Variants in RBFOX1 observed in about 807,000 individuals in gnomAD.
The protein encoded by RBFOX1 is RNA binding fox-1 homolog 1, also known as RNA binding protein fox-1 homolog 1.
A neutral mutation model predicts 57.7 loss-of-function variants in RBFOX1; 8 were observed. The ratio of observed to expected loss-of-function variants is 0.14; its 90% CI spans 0.08 to 0.25. The LOEUF is 0.25. RBFOX1 is among the 10% of genes least tolerant of loss of function. The pLI is 1.00. For synonymous variants in RBFOX1, 326 were observed against 222.4 expected, an observed-to-expected ratio of 1.47 and a Z score of -4.15; for missense variants, 611 against 548.5, an observed-to-expected ratio of 1.11 and a Z score of -1.14.
intron 3 of RBFOX1, among the ~76,000 whole-genome samples, chr16:7,006,575 G>C (rs1012871104): frequency 1.9e-4 from 29 of 152,000 alleles, no homozygotes; most frequent in African/African-American, 6.8e-4. Flanking sequence ...TCACCTTCCT[G>C]AGTAGGTAGG....
intron 3 of RBFOX1, among the ~76,000 whole-genome samples, chr16:6,780,557 CATATTTATATATATTTATATAT>C (rs2080826052): frequency 8.4e-6 from 1 of 119,486 alleles, no homozygotes; most frequent in Non-Finnish European, 1.6e-5. Context: ...TATATATTTA[CATATTTATATATATTTATATAT>C]ATATTTATAT....
chr16:5,353,044 A>C (rs1287659502), intron 1 of RBFOX1, among the ~76,000 whole-genome samples: 1 of 152,182 alleles, frequency 6.6e-6, no homozygotes, highest in Non-Finnish European at 1.5e-5. Flanking sequence ...GTGTTGAGAG[A>C]TGAAACGTTG....
intron 4 of RBFOX1, among the ~76,000 whole-genome samples, chr16:5,989,880 A>ACACACACACACACACCCC (rs33912010): frequency 6.3e-5 from 8 of 127,288 alleles, no homozygotes; most frequent in Admixed American, 3.2e-4. Context: ...ACACACACAC[A>ACACACACACACACACCCC]CCACCCCTGT....
At chr16:7,674,937 C>G (rs1412054906) in intron 13 of RBFOX1, among the ~76,000 whole-genome samples, 1 of 152,190 alleles carries the variant, frequency 6.6e-6, no homozygotes, top group Non-Finnish European at 1.5e-5. Flanking sequence ...TTGGTGGGAC[C>G]AAATTCAGTC....
intron 3 of RBFOX1, among the ~76,000 whole-genome samples, chr16:5,612,816 A>C (rs1184366899): frequency 6.6e-6 from 1 of 152,222 alleles, no homozygotes; most frequent in Non-Finnish European, 1.5e-5. Context: ...TAAGCATTGA[A>C]GACCTCAGTG....
intron 3 of RBFOX1, among the ~76,000 whole-genome samples, chr16:6,985,968 C>A (rs935871466): frequency 1.3e-5 from 2 of 150,702 alleles, no homozygotes; most frequent in African/African-American, 2.4e-5. Context: ...AAGGCACTTT[C>A]CAAACTTACC....
intron 3 of RBFOX1, among the ~76,000 whole-genome samples, chr16:6,888,274 G>C (rs1254196404): frequency 2.0e-5 from 3 of 152,156 alleles, no homozygotes; most frequent in East Asian, 1.9e-4. Context: ...TTATGGGTTT[G>C]TGTTTCTGAC....
chr16:6,564,174 T>C (rs922111545), intron 2 of RBFOX1, among the ~76,000 whole-genome samples: 9 of 152,108 alleles, frequency 5.9e-5, no homozygotes, highest in African/African-American at 2.2e-4. Flanking sequence ...TTGATGAGGA[T>C]AAAAGCCATG....
chr16:7,486,875 T>C (rs1330973455), intron 4 of RBFOX1, among the ~76,000 whole-genome samples: 1 of 152,140 alleles, frequency 6.6e-6, no homozygotes, highest in Non-Finnish European at 1.5e-5. Context: ...TGCAGTTAGT[T>C]CAAACACAAT....
chr16:7,605,636 ATTC>A (rs1481065346), intron 9 of RBFOX1, among the ~76,000 whole-genome samples: 10 of 152,296 alleles, frequency 6.6e-5, no homozygotes, highest in Admixed American at 5.9e-4. Context: ...CCTCTGGGCT[ATTC>A]TTAGTTCGGG....
intron 3 of RBFOX1, among the ~76,000 whole-genome samples, chr16:6,681,164 T>A (rs973320824): frequency 2.0e-5 from 3 of 151,894 alleles, no homozygotes; most frequent in Non-Finnish European, 4.4e-5. Flanking sequence ...ATACAAAAAT[T>A]AGCCAGGCAT....
At chr16:5,244,658 T>C (rs1008969204) in intron 1 of RBFOX1, among the ~76,000 whole-genome samples, 2 of 152,242 alleles carry the variant, frequency 1.3e-5, no homozygotes, top group African/African-American at 4.8e-5. Flanking sequence ...GAACGCGGTG[T>C]GTCTGCTGTG....
chr16:7,100,525 T>A (rs2062497151), intron 4 of RBFOX1, among the ~76,000 whole-genome samples: 1 of 151,880 alleles, frequency 6.6e-6, no homozygotes, highest in East Asian at 1.9e-4. Context: ...CATTTTCTAG[T>A]GTTACTGATG....
intron 3 of RBFOX1, among the ~76,000 whole-genome samples, chr16:6,850,508 T>A (rs2094004339): frequency 6.6e-6 from 1 of 151,862 alleles, no homozygotes; most frequent in South Asian, 2.1e-4. Flanking sequence ...AGAGAAGAGA[T>A]GGGAGAGGAA....
intron 2 of RBFOX1, among the ~76,000 whole-genome samples, chr16:6,460,139 A>G (rs1402428839): frequency 6.6e-6 from 1 of 151,070 alleles, no homozygotes. Context: ...TAAGTAACAG[A>G]AGTTTATTTT....
At chr16:5,963,758 C>G (rs1402788844) in intron 4 of RBFOX1, among the ~76,000 whole-genome samples, 1 of 152,098 alleles carries the variant, frequency 6.6e-6, no homozygotes, top group Non-Finnish European at 1.5e-5. Context: ...AAAATCAAGT[C>G]AAAATGGATT....
rs79879196 is a variant in RBFOX1 at position 5,571,930 on chromosome 16, C to T, written c.259-26972C>T. Among the ~76,000 whole-genome samples, 1,365 of 152,292 alleles carry T rather than the reference C, an allele frequency of 9.0e-3. 19 individuals carry two copies. Among genetic ancestry groups the T allele is most frequent in the African/African-American group, 0.03 (1,245 of 41,544 alleles). On this transcript the variant is annotated intron_variant, in intron 2 of 2. Transcript: ENST00000585867. ...GGTTAGAGGCGTGAGCCACTGTGCCCGGCCCATCTTTGTCTTTCATAATTA... is the reference window on the plus strand; with the variant it reads ...GGTTAGAGGCGTGAGCCACTGTGCCTGGCCCATCTTTGTCTTTCATAATTA...
intron 1 of RBFOX1, among the ~76,000 whole-genome samples, chr16:5,362,490 G>A (rs1410852398): frequency 2.0e-5 from 3 of 152,204 alleles, no homozygotes; most frequent in African/African-American, 7.2e-5. Flanking sequence ...AGTCTCCCGA[G>A]TAGCTGGGAT....
intron 1 of RBFOX1, among the ~76,000 whole-genome samples, chr16:6,028,916 G>C (rs2095246392): frequency 6.6e-6 from 1 of 152,158 alleles, no homozygotes; most frequent in Non-Finnish European, 1.5e-5. Flanking sequence ...CTTAACTTGT[G>C]GATCCAGATT....
Sources: gnomAD v4.1 joint callset for allele counts (sites outside exome capture counted in the v4.1 genomes callset) on GRCh38, gnomAD v4.1.1 for gene constraint, MANE v1.5 for transcripts, NCBI Gene and HGNC (gene_info 2026-07-23, HGNC 2026-07-21) for gene names.